The following CIITA variants were observed in gnomAD, a reference collection of about 807,000 sequenced individuals.
CIITA encodes MHC class II transactivator.
In CIITA, 72 loss-of-function variants were observed where a neutral mutation model predicts 115.1. The observed-to-expected ratio is 0.63, with a 90% confidence interval of 0.52 to 0.76. The LOEUF (loss-of-function observed/expected upper bound fraction) is 0.76. CIITA is among the 30% of genes least tolerant of loss of function. The pLI, the probability that CIITA is intolerant of heterozygous loss-of-function variation, is 0.00. For synonymous variants in CIITA, 763 were observed against 635.6 expected (o/e 1.20, Z -3.02); for missense variants, 1,617 against 1,463.8 (o/e 1.10, Z -1.71).
chr16:10,887,332 A>C (rs1395033418), intron 1 of CIITA, among the ~76,000 whole-genome samples: 1 of 152,174 alleles, frequency 6.6e-6, no homozygotes, highest in African/African-American at 2.4e-5. Flanking sequence ...AGGGGCTCCA[A>C]CACTCGTTGA....
In CIITA at chr16:10,908,832, A is replaced by G. The variant is rs2039356536; in HGVS notation, c.2658-197A>G. On this transcript the variant is annotated intron_variant, in intron 11 of 19. Coordinates refer to ENST00000324288, the MANE Select transcript of CIITA (RefSeq NM_000246.4). ...CCTGGTAGCCGAAGCAAAAAGGGAAAGAAAACCACTGTGTGAGTTGTGAGA... is the reference window on the plus strand; with the variant it reads ...CCTGGTAGCCGAAGCAAAAAGGGAAGGAAAACCACTGTGTGAGTTGTGAGA... The G allele has an allele frequency of 1.2e-5, 9 of 743,838 alleles. No individual in the cohort carries two copies. The South Asian group carries it at 1.5e-4, about 12-fold the overall frequency. The allele number at this position is 743,838 out of a possible 1,614,324, so 46.1% of individuals were successfully genotyped here.
intron 1 of CIITA, among the ~76,000 whole-genome samples, chr16:10,867,243 CA>C (rs34055460): frequency 0.17 from 23,684 of 137,876 alleles, 2,398 homozygotes; most frequent in East Asian, 0.53. Context: ...GACTCCATCT[CA>C]AAAAAAAAAA....
At chr16:10,895,878 A>C in intron 3 of CIITA, 114 bp downstream of exon 3, 2 of 1,012,284 alleles carry the variant, frequency 2.0e-6, no homozygotes, top group Non-Finnish European at 3.0e-6. Context: ...CACAGAAATC[A>C]TTGCAAGGGG....
chr16:10,886,029 G>A (rs1298839136), intron 1 of CIITA, among the ~76,000 whole-genome samples: 7 of 145,152 alleles, frequency 4.8e-5, no homozygotes, highest in Non-Finnish European at 1.1e-4. Context: ...CTTTCTGTTT[G>A]TATGTGCTCT....
intron 1 of CIITA, among the ~76,000 whole-genome samples, chr16:10,871,965 TG>T (rs1354930862): frequency 6.6e-6 from 1 of 152,232 alleles, no homozygotes; most frequent in Non-Finnish European, 1.5e-5. Flanking sequence ...TTCTGTTCTC[TG>T]TTGCTATGAC....
At chr16:10,921,897 C>T (rs2040290600) in intron 16 of CIITA, among the ~76,000 whole-genome samples, 2 of 152,222 alleles carry the variant, frequency 1.3e-5, no homozygotes, top group Admixed American at 1.3e-4. Flanking sequence ...CAGCCCTGAA[C>T]AAGAGAACTA....
At chr16:10,915,506 C>A in intron 13 of CIITA, 64 bp from the exon 14 acceptor site, 1 of 1,318,488 alleles carries the variant, frequency 7.6e-7, no homozygotes, top group Non-Finnish European at 1.1e-6. Flanking sequence ...TCTGCCCCAC[C>A]CTGGGGCTGA....
chr16:10,906,164 G>A (rs2039135573), intron 10 of CIITA, among the ~76,000 whole-genome samples: 1 of 152,228 alleles, frequency 6.6e-6, no homozygotes, highest in Non-Finnish European at 1.5e-5. Flanking sequence ...TTGCACGCCA[G>A]CCTGGGCGAC....
upstream of CIITA, among the ~76,000 whole-genome samples, chr16:10,876,960 G>A (rs781600268): frequency 1.3e-5 from 2 of 152,190 alleles, no homozygotes; most frequent in Admixed American, 6.5e-5. Flanking sequence ...ACTGTTGAAG[G>A]TTCCCCCAAC....
chr16:10,909,796 C>T (rs867237849), intron 12 of CIITA, among the ~76,000 whole-genome samples: 9 of 152,198 alleles, frequency 5.9e-5, no homozygotes, highest in Middle Eastern at 3.4e-3. Flanking sequence ...TACAGTAGTG[C>T]GATCATAGCT....
chr16:10,911,001 G>T (rs1213892343), intron 13 of CIITA, among the ~76,000 whole-genome samples: 1 of 144,954 alleles, frequency 6.9e-6, no homozygotes, highest in Non-Finnish European at 1.5e-5. Context: ...TGGGACAGTT[G>T]GTTGCTCTAT....
rs1477443427 is a variant in CIITA at position 10,915,588 on chromosome 16, C to A, written c.2907C>A (p.Gly969=). 1 of 1,613,920 alleles carries A rather than the reference C, an allele frequency of 6.2e-7. No individual in the cohort carries two copies. Among genetic ancestry groups the A allele is most frequent in the Non-Finnish European group, 8.5e-7 (1 of 1,179,842 alleles). ...CTCCTAGGCTGGGCCCTGTCTCAGG[C>A]CCCCAGGCTTTCCCCAAACTGGTGC... The part of the protein sequence containing the change: ...KLEFALGPVS[G]PQAFPKLVRI... Residue 969 remains glycine (G), a synonymous_variant, in exon 14 of 20, where the codon GGC becomes GGA. Transcript: ENST00000324288.
intron 13 of CIITA, among the ~76,000 whole-genome samples, chr16:10,911,030 G>A (rs1037223391): frequency 4.2e-5 from 3 of 70,730 alleles, no homozygotes; most frequent in Non-Finnish European, 7.3e-5. Flanking sequence ...AGGGCTGGGG[G>A]CCACACCCTA....
At chr16:10,895,221 G>C in intron 1 of CIITA, 61 bp from the exon 2 acceptor site, 1 of 1,601,506 alleles carries the variant, frequency 6.2e-7, no homozygotes, top group Non-Finnish European at 8.5e-7. Flanking sequence ...TGTTGTAGGT[G>C]TCAATTTTCT....
Position 10,905,686 on chromosome 16 carries a change from C to G in CIITA, c.1007-813C>G, listed in dbSNP as rs1225002848. On this transcript the variant is annotated intron_variant, in intron 10 of 19. Transcript: ENST00000324288. ...CCGAGGCAGGAGAATCGCCTAAACC[C>G]AGGAGGTGGAGGTTGCCGTGAGCTG... 6.6e-5 allele frequency among the ~76,000 whole-genome samples: 10 copies of G among 151,940 alleles called. No homozygotes were observed. The East Asian group carries it at 1.9e-3, about 29-fold the overall frequency.
intron 1 of CIITA, 55 bp from the exon 2 acceptor site, chr16:10,895,227 T>C: frequency 4.4e-6 from 7 of 1,607,674 alleles, no homozygotes; most frequent in Non-Finnish European, 5.9e-6. Flanking sequence ...AGGTGTCAAT[T>C]TTCTGCCTCT....
At position 10,901,530 on chromosome 16, in the gene CIITA, T is replaced by G. The variant is rs2038752997; in HGVS notation, c.453T>G (p.Leu151=). The G allele has an allele frequency of 6.2e-7, 1 of 1,613,928 alleles. No homozygotes were observed. Residue 151 remains leucine (L), a synonymous_variant, in exon 6 of 20, where the codon CTT becomes CTG. Coordinates refer to ENST00000324288, the MANE Select transcript of CIITA (RefSeq NM_000246.4). The surrounding 1 kb of genome is among the most constrained non-coding windows in gnomAD (Gnocchi z 6.8). The part of the protein sequence containing the change: ...KSQKRPFPEE[L]PADLKHWKPA... Reference sequence around the variant, plus strand: ...TCTCTGCAGCCTTCCCAGAGGAGCTTCCGGCAGACCTGAAGCACTGGAAGC... The same window carrying G: ...TCTCTGCAGCCTTCCCAGAGGAGCTGCCGGCAGACCTGAAGCACTGGAAGC...
intron 9 of CIITA, among the ~76,000 whole-genome samples, chr16:10,904,303 C>T (rs569238342): frequency 3.3e-5 from 5 of 152,292 alleles, no homozygotes; most frequent in African/African-American, 1.2e-4. Context: ...ATCACTGCAA[C>T]CTCCGCCCTA....
chr16:10,899,291 T>C (rs769426373), intron 5 of CIITA, among the ~76,000 whole-genome samples: 7 of 152,178 alleles, frequency 4.6e-5, no homozygotes, highest in Non-Finnish European at 1.0e-4. Flanking sequence ...TCCACTCCTA[T>C]AACCCATGTG....
Sources: allele counts gnomAD v4.1 joint callset (sites outside exome capture counted in the v4.1 genomes callset), GRCh38; gene constraint gnomAD v4.1.1; non-coding constraint Gnocchi (gnomAD v3.1); transcripts MANE v1.5; gene names NCBI Gene and HGNC (gene_info 2026-07-23, HGNC 2026-07-21).